The following COL21A1 variants were observed in gnomAD, a reference collection of about 807,000 sequenced individuals.
COL21A1 encodes the protein collagen type XXI alpha 1 chain, also known as collagen alpha-1(XXI) chain.
In COL21A1, 149 loss-of-function variants were observed where a neutral mutation model predicts 137.9. That is an observed-to-expected ratio of 1.08 (90% CI 0.95 to 1.24). The LOEUF (loss-of-function observed/expected upper bound fraction) is 1.24. COL21A1 is among the 50% of genes most tolerant of loss of function. The probability of loss-of-function intolerance (pLI) is 0.00; values close to 1 mark genes in which losing one functional copy is unlikely to be tolerated. For missense variants in COL21A1, 1,167 were observed against 1,158.4 expected (o/e 1.01, Z -0.11); for synonymous variants, 456 against 391.5 (o/e 1.16, Z -1.95).
Position 56,353,008 on chromosome 6 carries a change from C to T in COL21A1, c.-39+40963G>A, listed in dbSNP as rs1272156456. Reference sequence around the variant, plus strand: ...GTGAGCCGAAATCGACCACTGCACTCCATCCTGGGCCACAGAGCGAGACTC... The same window carrying T: ...GTGAGCCGAAATCGACCACTGCACTTCATCCTGGGCCACAGAGCGAGACTC... On this transcript the variant is annotated intron_variant, in intron 1 of 28. Transcript: ENST00000370819. Among the ~76,000 whole-genome samples the T allele has an allele frequency of 3.9e-5, 6 of 151,984 alleles. No homozygotes were observed. The East Asian group carries it at 1.2e-3, about 29-fold the overall frequency.
intron 12 of COL21A1, among the ~76,000 whole-genome samples, chr6:56,132,763 A>AG (rs1340801415): frequency 6.6e-6 from 1 of 152,154 alleles, no homozygotes; most frequent in African/African-American, 2.4e-5. Context: ...ATTGAATCAT[A>AG]GGGGCGGGTC....
chr6:56,057,899 A>G, intron 29 of COL21A1, 55 bp from the exon 30 acceptor site: 1 of 1,231,148 alleles, frequency 8.1e-7, no homozygotes. Context: ...TTTATAATGA[A>G]ATAGCCAATT....
upstream of COL21A1, among the ~76,000 whole-genome samples, chr6:56,251,771 C>G (rs1243150103): frequency 1.3e-5 from 2 of 152,208 alleles, no homozygotes; most frequent in Non-Finnish European, 2.9e-5. Flanking sequence ...TTCTCAAATG[C>G]TCTCTCTAGG....
intron 1 of COL21A1, among the ~76,000 whole-genome samples, chr6:56,378,977 A>G (rs556354851): frequency 1.1e-4 from 16 of 152,342 alleles, no homozygotes; most frequent in Admixed American, 8.5e-4. Flanking sequence ...AAGACCATCA[A>G]GGCAGTACCT....
rs1006339848 is a variant in COL21A1, at chr6:56,260,644, G to A, written c.-38-77988C>T. On this transcript the variant is annotated intron_variant, in intron 1 of 28. Transcript: ENST00000370819. ...GAGAGAGAGGAAGGAAGGAAGGAAGGAAGGAAGGAAGGAATGAAGGAAGGA... is the reference window on the plus strand; with the variant it reads ...GAGAGAGAGGAAGGAAGGAAGGAAGAAAGGAAGGAAGGAATGAAGGAAGGA... Among the ~76,000 whole-genome samples the A allele has an allele frequency of 5.1e-3, 216 of 42,208 alleles. 6 individuals carry two copies. Among genetic ancestry groups the A allele is most frequent in the Middle Eastern group, 0.041 (4 of 98 alleles). The allele number at this position is 42,208 out of a possible 152,430, so 27.7% of individuals were successfully genotyped here.
intron 12 of COL21A1, among the ~76,000 whole-genome samples, chr6:56,130,852 CA>C: frequency 6.6e-6 from 1 of 152,044 alleles, no homozygotes; most frequent in East Asian, 1.9e-4. Context: ...ATATGGAACA[CA>C]AAAAAGTATG....
At chr6:56,164,745 T>A in intron 8 of COL21A1, 69 bp downstream of exon 8, 1 of 1,268,638 alleles carries the variant, frequency 7.9e-7, no homozygotes, top group Non-Finnish European at 1.1e-6. Context: ...CTTACAGTTG[T>A]TGGAAAAGAG....
At chr6:56,386,118 T>C (rs1036485922) in intron 1 of COL21A1, among the ~76,000 whole-genome samples, 1 of 152,108 alleles carries the variant, frequency 6.6e-6, no homozygotes, top group African/African-American at 2.4e-5. Context: ...CCAGCTAATT[T>C]ATGTATTTTT....
chr6:56,297,186 C>T (rs1452276652), intron 1 of COL21A1, among the ~76,000 whole-genome samples: 1 of 151,992 alleles, frequency 6.6e-6, no homozygotes, highest in Non-Finnish European at 1.5e-5. Flanking sequence ...AGAAGAAAGA[C>T]TCAACACAGA....
intron 1 of COL21A1, among the ~76,000 whole-genome samples, chr6:56,351,410 G>GTT (rs1462688196): frequency 6.6e-6 from 1 of 152,194 alleles, no homozygotes; most frequent in Non-Finnish European, 1.5e-5. Context: ...CCTGTCACAT[G>GTT]TAACTGCACA....
intron 1 of COL21A1, among the ~76,000 whole-genome samples, chr6:56,254,907 A>C (rs1033989760): frequency 1.3e-5 from 2 of 152,136 alleles, no homozygotes; most frequent in Non-Finnish European, 2.9e-5. Context: ...TAGTTTCACA[A>C]ATTCTCATTA....
At chr6:56,118,740 G>C (rs1287034362) in intron 16 of COL21A1, among the ~76,000 whole-genome samples, 1 of 151,962 alleles carries the variant, frequency 6.6e-6, no homozygotes, top group Non-Finnish European at 1.5e-5. Context: ...CAACAACCAA[G>C]TGGGATTCAT....
intron 1 of COL21A1, among the ~76,000 whole-genome samples, chr6:56,194,227 T>A (rs1778882795): frequency 6.6e-6 from 1 of 152,244 alleles, no homozygotes; most frequent in Non-Finnish European, 1.5e-5. Flanking sequence ...AATTCCCTGA[T>A]GTTATTATAA....
At chr6:56,239,168 T>C (rs907188836) in intron 1 of COL21A1, among the ~76,000 whole-genome samples, 4 of 152,166 alleles carry the variant, frequency 2.6e-5, no homozygotes, top group Non-Finnish European at 4.4e-5. Context: ...TATTTTCTGC[T>C]TTTTAGAAAT....
chr6:56,233,254 T>C (rs1781695711), intron 1 of COL21A1, among the ~76,000 whole-genome samples: 1 of 151,732 alleles, frequency 6.6e-6, no homozygotes, highest in Non-Finnish European at 1.5e-5. Flanking sequence ...AAGCTCCAGA[T>C]AGTCTTAAAT....
At chr6:56,371,931 T>G (rs2152350292) in intron 1 of COL21A1, among the ~76,000 whole-genome samples, 1 of 152,268 alleles carries the variant, frequency 6.6e-6, no homozygotes, top group Middle Eastern at 3.4e-3. Context: ...AGAGCTGGGC[T>G]GAGTCCCCTT....
At chr6:56,122,866 T>C (rs1328426319) in intron 16 of COL21A1, among the ~76,000 whole-genome samples, 1 of 152,246 alleles carries the variant, frequency 6.6e-6, no homozygotes, top group Non-Finnish European at 1.5e-5. Context: ...ACATTTACTC[T>C]ATTTTCGAAA....
At chr6:56,151,095 A>T (rs1386599704) in intron 10 of COL21A1, among the ~76,000 whole-genome samples, 1 of 151,832 alleles carries the variant, frequency 6.6e-6, no homozygotes, top group African/African-American at 2.4e-5. Context: ...GCGTGGTGGC[A>T]GGTGCCTGTA....
chr6:56,125,686 TAC>T, intron 13 of COL21A1, 66 bp from the exon 14 acceptor site: 1 of 1,053,172 alleles, frequency 9.5e-7, no homozygotes, highest in Non-Finnish European at 1.3e-6. Flanking sequence ...AAAGAAAAAA[TAC>T]AGATTATAAG....
Sources: allele counts gnomAD v4.1 joint callset (sites outside exome capture counted in the v4.1 genomes callset), GRCh38; gene constraint gnomAD v4.1.1; transcripts MANE v1.5; gene names NCBI Gene and HGNC (gene_info 2026-07-23, HGNC 2026-07-21).